GDF6: variants seen among roughly 807,000 people sequenced by gnomAD.
The protein encoded by GDF6 is growth/differentiation factor 6.
A neutral mutation model predicts 32.4 loss-of-function variants in GDF6; 3 were observed. The ratio of observed to expected loss-of-function variants is 0.09; its 90% CI spans 0.04 to 0.24. The LOEUF is 0.24. Among genes scored for constraint, GDF6 ranks in the 10% least tolerant of loss-of-function variants. The pLI, the probability that GDF6 is intolerant of heterozygous loss-of-function variation, is 1.00. For synonymous variants in GDF6, 296 were observed against 295.3 expected (o/e 1.00, Z -0.03); for missense variants, 589 against 637.9 (o/e 0.92, Z 0.83).
chr8:96,147,119 C>G (rs1002044234), intron 1 of GDF6, among the ~76,000 whole-genome samples: 1 of 152,238 alleles, frequency 6.6e-6, no homozygotes, highest in Non-Finnish European at 1.5e-5. Context: ...ATCCAACCCT[C>G]TCTACCAGTC....
rs544121543 is a variant in GDF6, at chr8:96,142,362, G to C, written c.*2201C>G. 1 of 152,156 alleles carries C rather than the reference G, an allele frequency of 6.6e-6. No individual in the cohort carries two copies. Among genetic ancestry groups the C allele is most frequent in the East Asian group, 1.9e-4 (1 of 5,188 alleles). The allele number at this position is 152,156 out of a possible 1,614,324, so 9.4% of individuals were successfully genotyped here. ...GGAGAAAAATGCGTTTAATAATATA[G>C]CATTCGATTGCATATCATCCAGGAA... On this transcript the variant is annotated 3_prime_UTR_variant, in exon 2 of 2. Transcript: ENST00000287020.
rs1422809057 is a variant in GDF6, at chr8:96,145,477, C to T, written c.454G>A (p.Val152Met). Reference sequence around the variant, plus strand: ...TCTTCTTTGTCTGAGAGCATGGACACATCAAACAAATACTTCTGTCTCCGG... The same window carrying T: ...TCTTCTTTGTCTGAGAGCATGGACATATCAAACAAATACTTCTGTCTCCGG... ...PLRRQKYLFD[V>M]SMLSDKEELV... The change falls in exon 2 of 2, where the codon GTG becomes ATG. Residue 152 changes from valine (V) to methionine (M), a missense_variant. Val to Met is a conservative substitution (Grantham distance 21). Around this residue, in one of 2 missense-constraint regions of GDF6, gnomAD observed 436 missense variants for 411.2 expected, o/e 1.06. Transcript: ENST00000287020. This position sits in a 1 kb window ranked among gnomAD's most constrained non-coding sequence, Gnocchi z 5.6. 7 of 1,597,878 alleles carry T rather than the reference C, an allele frequency of 4.4e-6. No individual in the cohort carries two copies. Among genetic ancestry groups the T allele is most frequent in the African/African-American group, 2.7e-5 (2 of 74,930 alleles).
In GDF6 at chr8:96,145,278, C is replaced by A; in HGVS notation, c.653G>T (p.Trp218Leu). The A allele has an allele frequency of 6.5e-7, 1 of 1,527,812 alleles. No individual in the cohort carries two copies. The highest frequency in any genetic ancestry group is 8.7e-7 in the Non-Finnish European group (1 of 1,143,502). 94.6% of individuals were successfully genotyped at this position (1,527,812 alleles called of 1,614,324 possible). ...PPAGWEVFDV[W>L]QGLRHQPWKQ... ...CCAGGGCTGGTGGCGCAGGCCCTGCCACACGTCGAAGACTTCCCAGCCGGC... is the reference window on the plus strand; with the variant it reads ...CCAGGGCTGGTGGCGCAGGCCCTGCAACACGTCGAAGACTTCCCAGCCGGC... Residue 218 changes from tryptophan (W) to leucine (L), a missense_variant, in exon 2 of 2, where the codon TGG becomes TTG. Transcript: ENST00000287020. The surrounding 1 kb of genome is among the most constrained non-coding windows in gnomAD (Gnocchi z 5.6).
At chr8:96,152,906 C>T (rs1812592112) in intron 1 of GDF6, among the ~76,000 whole-genome samples, 1 of 152,166 alleles carries the variant, frequency 6.6e-6, no homozygotes, top group Non-Finnish European at 1.5e-5. Context: ...GGTCTAGTGG[C>T]CTGCCTGGAT....
At position 96,149,323 on chromosome 8, in the gene GDF6, G is replaced by A. The variant is rs546284981; in HGVS notation, c.407-3799C>T. On this transcript the variant is annotated intron_variant, in intron 1 of 1. Transcript: ENST00000287020. ...TTTCCCTTTTACTTTGCATCAACCTGGTTTGTTACAGCTTATTCACACCTC... is the reference window on the plus strand; with the variant it reads ...TTTCCCTTTTACTTTGCATCAACCTAGTTTGTTACAGCTTATTCACACCTC... Among the ~76,000 whole-genome samples the A allele has an allele frequency of 9.9e-5, 15 of 152,268 alleles. No homozygotes were observed. In the East Asian group the frequency reaches 2.9e-3, roughly 29 times the overall value.
rs1286105656 is a variant in GDF6 at position 96,144,755 on chromosome 8, G to A, written c.1176C>T (p.Arg392=). ...CGTGGTTGGTGGGCTCCAGGTGCGAGCGCAGCGGGAAGTCGCATACACCCT... is the reference window on the plus strand; with the variant it reads ...CGTGGTTGGTGGGCTCCAGGTGCGAACGCAGCGGGAAGTCGCATACACCCT... The part of the protein sequence containing the change: ...HCEGVCDFPL[R]SHLEPTNHAI... Residue 392 remains arginine, a synonymous_variant, in exon 2 of 2, where the codon CGC becomes CGT. Coordinates refer to ENST00000287020, the MANE Select transcript of GDF6 (RefSeq NM_001001557.4). This position sits in a 1 kb window ranked among gnomAD's most constrained non-coding sequence, Gnocchi z 5.1. The A allele has an allele frequency of 6.2e-7, 1 of 1,614,176 alleles. No individual in the cohort carries two copies.
intron 1 of GDF6, among the ~76,000 whole-genome samples, chr8:96,147,301 T>C (rs1002147232): frequency 6.6e-6 from 1 of 152,240 alleles, no homozygotes; most frequent in African/African-American, 2.4e-5. Context: ...AGTTGATTTA[T>C]GGAAGCCAAG....
Position 96,145,182 on chromosome 8 carries a change from C to A in GDF6, c.749G>T (p.Arg250Leu). Residue 250 changes from arginine to leucine, a missense_variant, in exon 2 of 2, where the codon CGG becomes CTG. By Grantham distance (102) the Arg-to-Leu change is moderately radical. Coordinates refer to ENST00000287020, the MANE Select transcript of GDF6 (RefSeq NM_001001557.4). The surrounding 1 kb of genome is among the most constrained non-coding windows in gnomAD (Gnocchi z 5.6). The part of the protein sequence containing the change: ...LDAGEAEARA[R>L]GPQQPPPPDL... ...CGGGGGCGGCGGTTGCTGGGGTCCC[C>A]GCGCGCGCGCCTCGGCCTCCCCGGC... The A allele has an allele frequency of 6.7e-7, 1 of 1,492,086 alleles. No homozygotes were observed. Among genetic ancestry groups the A allele is most frequent in the Non-Finnish European group, 8.9e-7 (1 of 1,128,362 alleles). The allele number at this position is 1,492,086 out of a possible 1,614,324, so 92.4% of individuals were successfully genotyped here.
At position 96,149,819 on chromosome 8, in the gene GDF6, G is replaced by A. The variant is rs61055219; in HGVS notation, c.407-4295C>T. Among the ~76,000 whole-genome samples the A allele has an allele frequency of 1.9e-3, 290 of 152,272 alleles. 1 individual carries two copies. Among genetic ancestry groups the A allele is most frequent in the African/African-American group, 6.6e-3 (276 of 41,528 alleles). On this transcript the variant is annotated intron_variant, in intron 1 of 1. Coordinates refer to ENST00000287020, the MANE Select transcript of GDF6 (RefSeq NM_001001557.4). ...AAGTTGGAGTGGCAAACTCCAGAGC[G>A]GAAAGGAAAAGATGCCCGCAACGCC...
At position 96,145,383 on chromosome 8, in the gene GDF6, G is replaced by T. The variant is rs1458464107; in HGVS notation, c.548C>A (p.Pro183Gln). The T allele has an allele frequency of 1.9e-6, 3 of 1,571,762 alleles. No individual in the cohort carries two copies. The South Asian group carries it at 3.4e-5, about 18-fold the overall frequency. The change falls in exon 2 of 2, where the codon CCG becomes CAG. Residue 183 changes from proline (P) to glutamine (Q), a missense_variant. Coordinates refer to ENST00000287020, the MANE Select transcript of GDF6 (RefSeq NM_001001557.4). The surrounding 1 kb of genome is among the most constrained non-coding windows in gnomAD (Gnocchi z 5.6). ...GCAAGGGAAGAGCTGCACGTGGAGC[G>T]GCCCGGCTGGTGGCCCCCAGGGCGC... ...PSAPWGPPAG[P>Q]LHVQLFPCLS... is the part of the protein sequence containing the mutation.
Position 96,160,371 on chromosome 8 carries a change from C to T in GDF6, c.322G>A (p.Ala108Thr), listed in dbSNP as rs368498747. The change falls in exon 1 of 2, where the codon GCT becomes ACT. Residue 108 changes from alanine (A) to threonine (T), a missense_variant. Physicochemically the swap from Ala to Thr is moderately conservative, Grantham distance 58 (BLOSUM62 0). This residue lies in a region of GDF6 where 436 missense variants were observed against 411.2 expected (regional missense o/e 1.06). Coordinates refer to ENST00000287020, the MANE Select transcript of GDF6 (RefSeq NM_001001557.4). ...MLSIYRTYSI[A>T]EKLGINASFF... ...CTGGCATTGATGCCCAGCTTCTCAG[C>T]GATGGAGTAAGTCCTGTAGATTGAC... The T allele has an allele frequency of 7.3e-5, 118 of 1,614,206 alleles. No individual in the cohort carries two copies. Among genetic ancestry groups the T allele is most frequent in the South Asian group, 4.0e-4 (36 of 91,088 alleles).
intron 1 of GDF6, among the ~76,000 whole-genome samples, chr8:96,159,784 C>G (rs1360781077): frequency 6.6e-6 from 1 of 152,254 alleles, no homozygotes; most frequent in Non-Finnish European, 1.5e-5. Context: ...GGCTGCCCGA[C>G]GCCGCTCGCG....
intron 1 of GDF6, among the ~76,000 whole-genome samples, chr8:96,154,883 C>T (rs1586123269): frequency 6.6e-6 from 1 of 152,326 alleles, no homozygotes; most frequent in South Asian, 2.1e-4. Flanking sequence ...TGTGTAAGAA[C>T]CTCAAGGACT....
chr8:96,143,172 CA>C lies in GDF6; in HGVS notation c.*1390del, dbSNP rs1812401635. 6.6e-6 allele frequency: 1 copy of C among 152,420 alleles called. No homozygotes were observed. Among genetic ancestry groups the C allele is most frequent in the Non-Finnish European group, 1.5e-5 (1 of 68,068 alleles). 9.4% of individuals were successfully genotyped at this position (152,420 alleles called of 1,614,324 possible). On this transcript the variant is annotated 3_prime_UTR_variant, in exon 2 of 2. Transcript: ENST00000287020. ...ACTGCCTGTTCCCCATCTCCCACCCCAAGCTCAATGTAACACTTGGCTCTTT... is the reference window on the plus strand; with the variant it reads ...ACTGCCTGTTCCCCATCTCCCACCCCAGCTCAATGTAACACTTGGCTCTTT...
Position 96,144,278 on chromosome 8 carries a change from GA to G in GDF6, c.*284del. The stretch of plus-strand genomic sequence containing the variant: ...AGAGAGAGAGAGAGAGAGAGAGAGA[GA>G]GAGAGAGAGAGAAAACAGAACAAAA... On this transcript the variant is annotated 3_prime_UTR_variant, in exon 2 of 2. Coordinates refer to ENST00000287020, the MANE Select transcript of GDF6 (RefSeq NM_001001557.4). This position sits in a 1 kb window ranked among gnomAD's most constrained non-coding sequence, Gnocchi z 5.1. 2.1e-6 allele frequency: 1 copy of G among 477,704 alleles called. No individual in the cohort carries two copies. Among genetic ancestry groups the G allele is most frequent in the African/African-American group, 2.2e-5 (1 of 45,250 alleles). 29.6% of individuals were successfully genotyped at this position (477,704 alleles called of 1,614,324 possible).
chr8:96,151,213 T>C (rs972994537), intron 1 of GDF6, among the ~76,000 whole-genome samples: 4 of 152,208 alleles, frequency 2.6e-5, no homozygotes, highest in Non-Finnish European at 2.9e-5. Flanking sequence ...AAGCAGTCCA[T>C]ACAATTCACC....
At chr8:96,148,078 A>G (rs989376687) in intron 1 of GDF6, among the ~76,000 whole-genome samples, 2 of 152,216 alleles carry the variant, frequency 1.3e-5, no homozygotes, top group African/African-American at 4.8e-5. Context: ...GTAGAGAAAG[A>G]TCTCCTACTG....
intron 1 of GDF6, among the ~76,000 whole-genome samples, chr8:96,150,303 C>T (rs1213745234): frequency 2.0e-5 from 3 of 152,238 alleles, no homozygotes; most frequent in Admixed American, 2.0e-4. Flanking sequence ...CCATGTTCTC[C>T]GGTGGCACAG....
At chr8:96,154,823 TC>T (rs1358117169) in intron 1 of GDF6, among the ~76,000 whole-genome samples, 1 of 152,142 alleles carries the variant, frequency 6.6e-6, no homozygotes, top group Non-Finnish European at 1.5e-5. Context: ...CTCATTCCCT[TC>T]TTCCTTCTCC....
Sources: allele counts gnomAD v4.1 joint callset (sites outside exome capture counted in the v4.1 genomes callset), GRCh38; gene constraint gnomAD v4.1.1; regional missense constraint gnomAD v4.1.1; non-coding constraint Gnocchi (gnomAD v3.1); transcripts MANE v1.5; gene names NCBI Gene and HGNC (gene_info 2026-07-23, HGNC 2026-07-21).